GAB2: variants seen among roughly 807,000 people sequenced by gnomAD.
GAB2 encodes the protein GRB2 associated binding protein 2, also known as GRB2-associated-binding protein 2.
In GAB2, 26 loss-of-function variants were observed where a neutral mutation model predicts 65.5. The ratio of observed to expected loss-of-function variants is 0.40; its 90% CI spans 0.29 to 0.55. GAB2 has a LOEUF of 0.55. Among genes scored for constraint, GAB2 ranks in the 20% least tolerant of loss-of-function variants. The pLI is 0.53. For missense variants in GAB2, 884 were observed against 875.8 expected (o/e 1.01, Z -0.12); for synonymous variants, 321 against 329.6 (o/e 0.97, Z 0.28).
intron 2 of GAB2, among the ~76,000 whole-genome samples, chr11:78,268,170 T>C (rs2134559836): frequency 6.6e-6 from 1 of 152,294 alleles, no homozygotes; most frequent in South Asian, 2.1e-4. Context: ...AATTGTTTCA[T>C]AAATTATTCT....
chr11:78,234,572 A>G (rs1419058484), intron 3 of GAB2, among the ~76,000 whole-genome samples: 1 of 147,998 alleles, frequency 6.8e-6, no homozygotes, highest in Non-Finnish European at 1.5e-5. Context: ...TATACTTTTA[A>G]TAATTATATA....
chr11:78,318,862 A>G (rs957795707), intron 1 of GAB2, among the ~76,000 whole-genome samples: 3 of 152,196 alleles, frequency 2.0e-5, no homozygotes, highest in African/African-American at 7.2e-5. Context: ...GAGCATCTGG[A>G]TGCAGTAAAG....
At position 78,359,098 on chromosome 11, in the gene GAB2, G is replaced by A. The variant is rs1423150359; in HGVS notation, c.75+58548C>T. On this transcript the variant is annotated intron_variant, in intron 1 of 9. Coordinates refer to ENST00000361507, the MANE Select transcript of GAB2 (RefSeq NM_080491.3). ...GAAAAAATCAGAGTTTAAGAGACGTGGATGATAGAGTAAGAGGGTCTAACA... is the reference window on the plus strand; with the variant it reads ...GAAAAAATCAGAGTTTAAGAGACGTAGATGATAGAGTAAGAGGGTCTAACA... 7.2e-5 allele frequency among the ~76,000 whole-genome samples: 11 copies of A among 152,186 alleles called. No homozygotes were observed. The East Asian group carries it at 2.1e-3, about 29-fold the overall frequency.
At chr11:78,228,260 G>T (rs1864746251) in intron 3 of GAB2, among the ~76,000 whole-genome samples, 1 of 152,196 alleles carries the variant, frequency 6.6e-6, no homozygotes, top group African/African-American at 2.4e-5. Context: ...GGAGGGTGAG[G>T]TTCTGAGCAA....
chr11:78,290,726 CGATTT>C (rs1866641852), intron 1 of GAB2, among the ~76,000 whole-genome samples: 1 of 152,066 alleles, frequency 6.6e-6, no homozygotes, highest in Admixed American at 6.6e-5. Context: ...TGTGGAAGAG[CGATTT>C]GATTTATTTT....
At chr11:78,408,383 A>C (rs1464329701) in intron 1 of GAB2, among the ~76,000 whole-genome samples, 1 of 152,216 alleles carries the variant, frequency 6.6e-6, no homozygotes, top group Non-Finnish European at 1.5e-5. Flanking sequence ...ACCACTAAAA[A>C]AGCTGTATAG....
chr11:78,253,020 T>TTG (rs1865499491), intron 2 of GAB2, among the ~76,000 whole-genome samples: 1 of 146,330 alleles, frequency 6.8e-6, no homozygotes, highest in Non-Finnish European at 1.5e-5. Context: ...TTTTTTTTTT[T>TTG]TTTTTTGTGA....
chr11:78,357,684 G>A (rs1182031367), intron 1 of GAB2, among the ~76,000 whole-genome samples: 1 of 152,080 alleles, frequency 6.6e-6, no homozygotes, highest in African/African-American at 2.4e-5. Flanking sequence ...GCAGCCAACA[G>A]ACACATGAAA....
At chr11:78,346,719 ATAAT>A (rs1856195028) in intron 1 of GAB2, among the ~76,000 whole-genome samples, 7 of 36,626 alleles carry the variant, frequency 1.9e-4, no homozygotes, top group East Asian at 8.3e-4. Flanking sequence ...ATATATATAT[ATAAT>A]TTTTTTTTTT....
intron 3 of GAB2, among the ~76,000 whole-genome samples, chr11:78,227,648 G>A (rs368444443): frequency 0.022 from 2,252 of 103,840 alleles, 3 homozygotes; most frequent in Middle Eastern, 0.053. Context: ...AAAAAAAAAA[G>A]AACTAGCTGG....
Position 78,225,120 on chromosome 11 carries a change from A to G in GAB2, c.1290T>C (p.Val430=), listed in dbSNP as rs1385600. 0.2 allele frequency: 320,428 copies of G among 1,608,886 alleles called. 38,069 individuals carry two copies. The highest frequency in any genetic ancestry group is 0.44 in the African/African-American group (33,136 of 74,766). The stretch of plus-strand genomic sequence containing the variant: ...AACCCACACTCACCAGGAAAGAGCC[A>G]ACTCCATCACTCATGGATTCAGCAG... ...GRSAESMSDG[V]GSFLPGKMIV... The change falls in exon 5 of 10, where the codon GTT becomes GTC. Residue 430 remains valine, a synonymous_variant. Transcript: ENST00000361507.
intron 3 of GAB2, among the ~76,000 whole-genome samples, chr11:78,230,924 C>A (rs1294427214): frequency 2.6e-5 from 4 of 152,124 alleles, no homozygotes; most frequent in Non-Finnish European, 5.9e-5. Flanking sequence ...ACTGTGATGA[C>A]CTGAGTTGCT....
chr11:78,383,573 T>A (rs1382973449), intron 1 of GAB2, among the ~76,000 whole-genome samples: 1 of 91,376 alleles, frequency 1.1e-5, no homozygotes, highest in Non-Finnish European at 2.1e-5. Flanking sequence ...GGCAAAACCC[T>A]GTCTCTCCAA....
In GAB2 at chr11:78,344,899, T is replaced by C. The variant is rs73500934; in HGVS notation, c.76-63998A>G. ...AATGTCTTGGTGGCACAAAAGTGGTTTAATGAGTGAGTCACACTGCAGCCA... is the reference window on the plus strand; with the variant it reads ...AATGTCTTGGTGGCACAAAAGTGGTCTAATGAGTGAGTCACACTGCAGCCA... On this transcript the variant is annotated intron_variant, in intron 1 of 9. Coordinates refer to ENST00000361507, the MANE Select transcript of GAB2 (RefSeq NM_080491.3). Among the ~76,000 whole-genome samples the C allele has an allele frequency of 5.3e-3, 801 of 152,300 alleles. 5 individuals carry two copies. The highest frequency in any genetic ancestry group is 0.019 in the African/African-American group (773 of 41,566).
At chr11:78,357,966 A>C (rs1856381327) in intron 1 of GAB2, among the ~76,000 whole-genome samples, 1 of 152,200 alleles carries the variant, frequency 6.6e-6, no homozygotes, top group Non-Finnish European at 1.5e-5. Context: ...AAGGATTATA[A>C]ATCTTGCTGC....
At chr11:78,289,359 T>C (rs1287266189) in intron 1 of GAB2, among the ~76,000 whole-genome samples, 1 of 152,012 alleles carries the variant, frequency 6.6e-6, no homozygotes, top group Non-Finnish European at 1.5e-5. Flanking sequence ...AAAAACTAAC[T>C]CAGAATGAAT....
chr11:78,255,468 T>C (rs1011761493), intron 2 of GAB2, among the ~76,000 whole-genome samples: 1 of 152,188 alleles, frequency 6.6e-6, no homozygotes, highest in Admixed American at 6.5e-5. Context: ...CAAAGCTAAA[T>C]TCAGAGACAA....
chr11:78,266,608 T>TA (rs1180445149), intron 2 of GAB2, among the ~76,000 whole-genome samples: 1 of 152,212 alleles, frequency 6.6e-6, no homozygotes, highest in East Asian at 1.9e-4. Flanking sequence ...CCCAATTTTT[T>TA]ATCTGGTAGT....
intron 1 of GAB2, among the ~76,000 whole-genome samples, chr11:78,284,635 C>T (rs1435484179): frequency 6.6e-6 from 1 of 152,144 alleles, no homozygotes; most frequent in Non-Finnish European, 1.5e-5. Context: ...TTTTCTAGTC[C>T]TTATTCAAAT....
Sources: allele counts gnomAD v4.1 joint callset (sites outside exome capture counted in the v4.1 genomes callset), GRCh38; gene constraint gnomAD v4.1.1; transcripts MANE v1.5; gene names NCBI Gene and HGNC (gene_info 2026-07-23, HGNC 2026-07-21).